The following FOXN3 variants were observed in gnomAD, a reference collection of about 807,000 sequenced individuals.
FOXN3 encodes the protein forkhead box N3, also known as forkhead box protein N3.
Under a neutral mutation model 38.4 loss-of-function variants are expected in FOXN3, and 7 were observed. That is an observed-to-expected ratio of 0.18 (90% CI 0.10 to 0.34). FOXN3 has a LOEUF of 0.34. Ranked by LOEUF, FOXN3 falls within the 10% of genes least tolerant of loss-of-function variation. The probability of loss-of-function intolerance (pLI) is 1.00; values close to 1 mark genes in which losing one functional copy is unlikely to be tolerated. For missense variants in FOXN3, 456 were observed against 613.4 expected, an observed-to-expected ratio of 0.74 and a Z score of 2.71; for synonymous variants, 230 against 242.2, an observed-to-expected ratio of 0.95 and a Z score of 0.47.
chr14:89,411,689 G>GT (rs1443587049), intron 2 of FOXN3, among the ~76,000 whole-genome samples: 1 of 152,044 alleles, frequency 6.6e-6, no homozygotes, highest in Admixed American at 6.5e-5. Flanking sequence ...GTAAACCACT[G>GT]TTTTATCTTT....
intron 4 of FOXN3, among the ~76,000 whole-genome samples, chr14:89,276,200 A>G (rs954625218): frequency 6.6e-6 from 1 of 152,072 alleles, no homozygotes; most frequent in Admixed American, 6.6e-5. Flanking sequence ...AATCACTTGA[A>G]CCCGGGAGGC....
At chr14:89,431,621 G>A (rs192530054) in intron 1 of FOXN3, among the ~76,000 whole-genome samples, 81 of 152,284 alleles carry the variant, frequency 5.3e-4, no homozygotes, top group African/African-American at 1.9e-3. Context: ...GTTTCGATAT[G>A]TTTTATTTTT....
At chr14:89,313,613 G>A (rs1039727385) in intron 3 of FOXN3, among the ~76,000 whole-genome samples, 8 of 150,628 alleles carry the variant, frequency 5.3e-5, no homozygotes, top group Admixed American at 2.0e-4. Context: ...ACTGTATGAC[G>A]CAGCACATGC....
At chr14:89,382,212 A>G (rs1373012695) in intron 2 of FOXN3, among the ~76,000 whole-genome samples, 1 of 152,098 alleles carries the variant, frequency 6.6e-6, no homozygotes, top group Non-Finnish European at 1.5e-5. Flanking sequence ...CCTCTGTGAC[A>G]GTAGGTCTGG....
chr14:89,268,125 T>C (rs10142532), intron 4 of FOXN3, among the ~76,000 whole-genome samples: 14,285 of 152,242 alleles, frequency 0.094, 774 homozygotes, highest in African/African-American at 0.15. Flanking sequence ...TGCTGCTTGG[T>C]TTAGCCAAAT....
At chr14:89,326,526 T>A (rs1404698940) in intron 3 of FOXN3, among the ~76,000 whole-genome samples, 1 of 152,220 alleles carries the variant, frequency 6.6e-6, no homozygotes, top group Non-Finnish European at 1.5e-5. Flanking sequence ...ACAGGCGCAC[T>A]GGACTTTAGT....
At chr14:89,249,876 GA>G (rs1023784931) in intron 4 of FOXN3, among the ~76,000 whole-genome samples, 12 of 151,640 alleles carry the variant, frequency 7.9e-5, no homozygotes, top group Admixed American at 1.3e-4. Flanking sequence ...TTTAATGATT[GA>G]AAAAAAAGTC....
intron 1 of FOXN3, among the ~76,000 whole-genome samples, chr14:89,426,300 T>C (rs1330691337): frequency 2.8e-5 from 4 of 145,138 alleles, no homozygotes; most frequent in Admixed American, 7.4e-5. Context: ...CCTCAGCTCA[T>C]TGCAATCTCT....
At chr14:89,423,937 G>A (rs1891970966) in intron 1 of FOXN3, among the ~76,000 whole-genome samples, 1 of 152,200 alleles carries the variant, frequency 6.6e-6, no homozygotes, top group African/African-American at 2.4e-5. Context: ...ACTGGGAAGA[G>A]GCAATAAACC....
At position 89,262,231 on chromosome 14, in the gene FOXN3, A is replaced by G. The variant is rs74345736; in HGVS notation, c.745+18719T>C. Among the ~76,000 whole-genome samples the G allele has an allele frequency of 9.2e-3, 1,401 of 152,350 alleles. 23 individuals carry two copies. The highest frequency in any genetic ancestry group is 0.032 in the African/African-American group (1,334 of 41,582). On this transcript the variant is annotated intron_variant, in intron 4 of 5. Transcript: ENST00000557258. ...CACCAGTTTGCCTGTGACTCAGGGC[A>G]AGCCCTGACTCTGGGCCCAGTTTAC...
chr14:89,565,093 C>CA (rs59821937), intron 1 of FOXN3, among the ~76,000 whole-genome samples: 849 of 52,250 alleles, frequency 0.016, 14 homozygotes, highest in African/African-American at 0.019. Flanking sequence ...GAGCTCGTCT[C>CA]AAAAAAAAAA....
chr14:89,335,679 T>G (rs1405542329), intron 3 of FOXN3, among the ~76,000 whole-genome samples: 2 of 152,254 alleles, frequency 1.3e-5, no homozygotes, highest in African/African-American at 4.8e-5. Context: ...ATGCTAATTA[T>G]ATCTATTCAT....
At chr14:89,211,919 G>T (rs917524434) in intron 4 of FOXN3, among the ~76,000 whole-genome samples, 2 of 152,148 alleles carry the variant, frequency 1.3e-5, no homozygotes, top group Non-Finnish European at 1.5e-5. Context: ...TTGAAGATAG[G>T]GCCCTTTGGG....
Position 89,436,869 on chromosome 14 carries a change from A to AGG in FOXN3, c.-14-24381_-14-24380dup, listed in dbSNP as rs535867078. Reference sequence around the variant, plus strand: ...TGAACTTAAAAGTATGGCTTAGGCCAGGCACGGTGGCTCACACCTGTAATC... The same window carrying AGG: ...TGAACTTAAAAGTATGGCTTAGGCCAGGGGCACGGTGGCTCACACCTGTAATC... On this transcript the variant is annotated intron_variant, in intron 1 of 6. Transcript: ENST00000345097. 1.8e-3 allele frequency among the ~76,000 whole-genome samples: 277 copies of AGG among 152,342 alleles called. 1 individual carries two copies. The highest frequency in any genetic ancestry group is 3.2e-3 in the Non-Finnish European group (220 of 68,024).
chr14:89,384,338 G>C (rs573598878), intron 2 of FOXN3, among the ~76,000 whole-genome samples: 10 of 151,108 alleles, frequency 6.6e-5, no homozygotes, highest in Admixed American at 1.3e-4. Flanking sequence ...CTAAGCCTGT[G>C]AAATGCTGAA....
intron 4 of FOXN3, among the ~76,000 whole-genome samples, chr14:89,276,488 C>T (rs1886304436): frequency 6.6e-6 from 1 of 152,088 alleles, no homozygotes; most frequent in African/African-American, 2.4e-5. Flanking sequence ...GTTTGTAAAA[C>T]CAGTGGTTTC....
At chr14:89,319,978 A>C (rs1887851080) in intron 3 of FOXN3, among the ~76,000 whole-genome samples, 1 of 152,216 alleles carries the variant, frequency 6.6e-6, no homozygotes, top group Non-Finnish European at 1.5e-5. Context: ...GACGCTTTGC[A>C]TTTCATTACT....
chr14:89,402,972 T>G (rs556637685), intron 2 of FOXN3, among the ~76,000 whole-genome samples: 95 of 152,250 alleles, frequency 6.2e-4, no homozygotes, highest in South Asian at 1.0e-3. Flanking sequence ...CAAGTGAACA[T>G]AAGGAATATT....
chr14:89,612,825 TA>T (rs1197955295), intron 1 of FOXN3, among the ~76,000 whole-genome samples: 2,439 of 136,968 alleles, frequency 0.018, 27 homozygotes, highest in Middle Eastern at 0.039. Flanking sequence ...AGACCCTGCT[TA>T]AAAAAAAAAA....
Sources: gnomAD v4.1 joint callset for allele counts (sites outside exome capture counted in the v4.1 genomes callset) on GRCh38, gnomAD v4.1.1 for gene constraint, MANE v1.5 for transcripts, NCBI Gene and HGNC (gene_info 2026-07-23, HGNC 2026-07-21) for gene names.